CTNNA2: variants seen among roughly 807,000 people sequenced by gnomAD.
CTNNA2 encodes catenin alpha-2.
A neutral mutation model predicts 101.0 loss-of-function variants in CTNNA2; 42 were observed. The ratio of observed to expected loss-of-function variants is 0.42; its 90% confidence interval spans 0.32 to 0.54. The LOEUF is 0.54. Among genes scored for constraint, CTNNA2 ranks in the 20% least tolerant of loss-of-function variants. The pLI, the probability that CTNNA2 is intolerant of heterozygous loss-of-function variation, is 0.14. For synonymous variants in CTNNA2, 450 were observed against 456.4 expected (o/e 0.99, Z 0.18); for missense variants, 871 against 1,223.1 (o/e 0.71, Z 4.29).
intron 7 of CTNNA2, among the ~76,000 whole-genome samples, chr2:80,250,662 T>C (rs1671696261): frequency 6.6e-6 from 1 of 152,070 alleles, no homozygotes; most frequent in Non-Finnish European, 1.5e-5. Flanking sequence ...TGTCATTCCA[T>C]TGGGATAATG....
intron 13 of CTNNA2, among the ~76,000 whole-genome samples, chr2:80,580,654 A>C (rs1423520441): frequency 2.6e-5 from 4 of 152,182 alleles, no homozygotes; most frequent in Non-Finnish European, 4.4e-5. Context: ...TTAATCCTTT[A>C]TGGGTATGTG....
At chr2:79,970,056 T>TA (rs996061536) in intron 7 of CTNNA2, among the ~76,000 whole-genome samples, 1 of 152,196 alleles carries the variant, frequency 6.6e-6, no homozygotes, top group Non-Finnish European at 1.5e-5. Flanking sequence ...TTTAGATCCT[T>TA]ACAGTAAATA....
chr2:80,243,924 C>A (rs1671133110), intron 7 of CTNNA2, among the ~76,000 whole-genome samples: 1 of 152,314 alleles, frequency 6.6e-6, no homozygotes, highest in Middle Eastern at 3.4e-3. Flanking sequence ...TCCTCCACAT[C>A]CTGGCTGGCT....
intron 7 of CTNNA2, among the ~76,000 whole-genome samples, chr2:80,059,237 C>T (rs1327465402): frequency 6.6e-6 from 1 of 152,092 alleles, no homozygotes; most frequent in South Asian, 2.1e-4. Flanking sequence ...GCTGGGTTCT[C>T]CTATCACAAA....
intron 9 of CTNNA2, among the ~76,000 whole-genome samples, chr2:80,495,285 G>T (rs1172916489): frequency 6.6e-6 from 1 of 152,036 alleles, no homozygotes; most frequent in East Asian, 1.9e-4. Context: ...AGCTTATGAG[G>T]GTTTCCTGTG....
intron 7 of CTNNA2, among the ~76,000 whole-genome samples, chr2:80,212,307 G>T (rs1051518108): frequency 1.3e-5 from 2 of 152,144 alleles, no homozygotes; most frequent in African/African-American, 4.8e-5. Context: ...GTTTTCAAAG[G>T]GAATGCTTCA....
At chr2:79,775,814 A>C (rs1276420875) in intron 3 of CTNNA2, among the ~76,000 whole-genome samples, 2 of 152,194 alleles carry the variant, frequency 1.3e-5, no homozygotes, top group African/African-American at 4.8e-5. Flanking sequence ...CCAGCTAAAT[A>C]GCACTCTTCA....
intron 3 of CTNNA2, among the ~76,000 whole-genome samples, chr2:79,344,699 T>G (rs1211669676): frequency 6.6e-6 from 1 of 151,438 alleles, no homozygotes; most frequent in Non-Finnish European, 1.5e-5. Flanking sequence ...AAAAAACCAA[T>G]TTTGTATCTG....
intron 7 of CTNNA2, among the ~76,000 whole-genome samples, chr2:80,180,378 A>C (rs1705696539): frequency 6.6e-6 from 1 of 152,240 alleles, no homozygotes; most frequent in South Asian, 2.1e-4. Context: ...AGTATGCAAT[A>C]AGCTTGCTGT....
chr2:79,539,256 G>C (rs1367271545), intron 1 of CTNNA2, among the ~76,000 whole-genome samples: 1 of 152,128 alleles, frequency 6.6e-6, no homozygotes, highest in African/African-American at 2.4e-5. Context: ...TAGCCTTTCT[G>C]ATCTATTCAT....
At chr2:79,958,205 C>CT (rs1204966970) in intron 7 of CTNNA2, among the ~76,000 whole-genome samples, 1 of 152,116 alleles carries the variant, frequency 6.6e-6, no homozygotes, top group African/African-American at 2.4e-5. Flanking sequence ...CTCTGCAGCA[C>CT]TTTTTTCCTT....
intron 9 of CTNNA2, among the ~76,000 whole-genome samples, chr2:80,517,011 C>A (rs1689161756): frequency 6.6e-6 from 1 of 152,130 alleles, no homozygotes; most frequent in African/African-American, 2.4e-5. Context: ...CACCCCACCC[C>A]TCCCCAGAAA....
At chr2:79,721,124 A>G (rs1449181988) in intron 2 of CTNNA2, among the ~76,000 whole-genome samples, 2 of 151,598 alleles carry the variant, frequency 1.3e-5, no homozygotes, top group Non-Finnish European at 2.9e-5. Flanking sequence ...AGCTCAGTTC[A>G]TGTAGTTTGC....
chr2:79,611,417 C>T (rs997822345), intron 1 of CTNNA2, among the ~76,000 whole-genome samples: 2 of 152,062 alleles, frequency 1.3e-5, no homozygotes. Context: ...TCAGAGCTTT[C>T]GTACAATGAA....
chr2:79,905,471 C>T (rs548058593), intron 6 of CTNNA2, among the ~76,000 whole-genome samples: 107 of 152,252 alleles, frequency 7.0e-4, no homozygotes, highest in Admixed American at 1.8e-3. Flanking sequence ...GCATAAGAGC[C>T]GGTCACAGGA....
At chr2:79,344,357 C>G (rs1404154811) in intron 3 of CTNNA2, among the ~76,000 whole-genome samples, 1 of 152,130 alleles carries the variant, frequency 6.6e-6, no homozygotes, top group Non-Finnish European at 1.5e-5. Flanking sequence ...ATTATTGCTC[C>G]AATGGTTGGC....
At chr2:79,540,865 T>C (rs1385372950) in intron 1 of CTNNA2, among the ~76,000 whole-genome samples, 1 of 152,216 alleles carries the variant, frequency 6.6e-6, no homozygotes, top group African/African-American at 2.4e-5. Context: ...CTACTTACTG[T>C]AAGTTTGATC....
At chr2:80,006,174 G>A (rs1693327936) in intron 7 of CTNNA2, among the ~76,000 whole-genome samples, 1 of 152,010 alleles carries the variant, frequency 6.6e-6, no homozygotes, top group African/African-American at 2.4e-5. Context: ...GTTTGATTTT[G>A]AAGAGACAAA....
intron 12 of CTNNA2, 146 bp downstream of exon 12, chr2:80,556,039 CTT>C (rs937295984): frequency 5.6e-5 from 28 of 502,686 alleles, no homozygotes; most frequent in African/African-American, 5.4e-4. Flanking sequence ...TGAGTGTTCT[CTT>C]TGTTTTTTGA....
Sources: gnomAD v4.1 joint callset for allele counts (sites outside exome capture counted in the v4.1 genomes callset) on GRCh38, gnomAD v4.1.1 for gene constraint, MANE v1.5 for transcripts, NCBI Gene and HGNC (gene_info 2026-07-23, HGNC 2026-07-21) for gene names.